PAK1: variants seen among roughly 807,000 people sequenced by gnomAD.
PAK1 encodes serine/threonine-protein kinase PAK 1.
A neutral mutation model predicts 67.4 loss-of-function variants in PAK1; 29 were observed. That is an observed-to-expected ratio of 0.43 (90% CI 0.32 to 0.59). The LOEUF (loss-of-function observed/expected upper bound fraction) is 0.59, where lower values mean the gene tolerates loss of function less well. PAK1 is among the 20% of genes least tolerant of loss of function. The pLI is 0.07. For synonymous variants in PAK1, 223 were observed against 237.4 expected, an observed-to-expected ratio of 0.94 and a Z score of 0.56; for missense variants, 337 against 670.7, an observed-to-expected ratio of 0.50 and a Z score of 5.50.
chr11:77,348,538 C>T (rs971279893), intron 9 of PAK1, among the ~76,000 whole-genome samples: 1 of 152,170 alleles, frequency 6.6e-6, no homozygotes, highest in Non-Finnish European at 1.5e-5. Flanking sequence ...AGTCAAGAGA[C>T]ATGGTTTAAA....
intron 1 of PAK1, among the ~76,000 whole-genome samples, chr11:77,445,736 C>T (rs1317205948): frequency 6.6e-6 from 1 of 152,196 alleles, no homozygotes; most frequent in African/African-American, 2.4e-5. Flanking sequence ...ATATCTATCA[C>T]ATATAGAATC....
In PAK1 at chr11:77,392,454, T is replaced by C. The variant is rs199962205; in HGVS notation, c.67A>G (p.Met23Val). Residue 23 changes from methionine to valine, a missense_variant, in exon 2 of 15, where the codon ATG (methionine) becomes GTG (valine). Transcript: ENST00000356341. ...GCATCTTTGCTGCCGGCTCCAATCA[T>C]AGTGCTGGTATTTCTCATCGGAGGG... ...PAPPMRNTST[M>V]IGAGSKDAGT... is the part of the protein sequence containing the mutation. 16 of 1,614,126 alleles carry C rather than the reference T, an allele frequency of 9.9e-6. No individual in the cohort carries two copies. Among genetic ancestry groups the C allele is most frequent in the East Asian group, 2.2e-5 (1 of 44,886 alleles).
chr11:77,379,776 T>C, intron 3 of PAK1, 118 bp downstream of exon 3: 6 of 732,396 alleles, frequency 8.2e-6, no homozygotes, highest in East Asian at 2.6e-5. Context: ...CGTGAGAAAA[T>C]TGTAATCAGG....
At position 77,439,803 on chromosome 11, in the gene PAK1, C is replaced by T. The variant is rs1956278400; in HGVS notation, c.-22+33749G>A. Among the ~76,000 whole-genome samples the T allele has an allele frequency of 2.0e-5, 3 of 152,140 alleles. No individual in the cohort carries two copies. In the East Asian group the frequency reaches 5.8e-4, roughly 29 times the overall value. On this transcript the variant is annotated intron_variant, in intron 1 of 14. Coordinates refer to ENST00000356341, the MANE Select transcript of PAK1 (RefSeq NM_002576.5). ...TCAAGGAAATTTAAATTGTCAAGAA[C>T]CATCAGGTGCCTGGGTCTGTATCAG...
the PAK1 span, among the ~76,000 whole-genome samples, chr11:77,517,678 T>C: frequency 6.6e-6 from 1 of 152,236 alleles, no homozygotes; most frequent in South Asian, 2.1e-4. Context: ...TTGTGTGCTT[T>C]ATTTCTATTA....
chr11:77,355,402 G>A (rs550295246), intron 7 of PAK1, among the ~76,000 whole-genome samples: 3 of 152,106 alleles, frequency 2.0e-5, no homozygotes, highest in South Asian at 2.1e-4. Context: ...ATTTGTCTTC[G>A]CTATAATACA....
chr11:77,491,000 G>C, the PAK1 span, among the ~76,000 whole-genome samples: 1 of 151,930 alleles, frequency 6.6e-6, no homozygotes, highest in Non-Finnish European at 1.5e-5. Flanking sequence ...GCGGAAGGCC[G>C]AAGGGTCCTC....
At chr11:77,500,018 A>T in the PAK1 span, among the ~76,000 whole-genome samples, 1 of 152,226 alleles carries the variant, frequency 6.6e-6, no homozygotes, top group Non-Finnish European at 1.5e-5. Flanking sequence ...ATCTGAGATA[A>T]GCAAGCCCTG....
chr11:77,505,195 C>CT, the PAK1 span, among the ~76,000 whole-genome samples: 77,028 of 149,580 alleles, frequency 0.51, 20,114 homozygotes, highest in East Asian at 0.7. Flanking sequence ...TTTTCTTTTT[C>CT]TTTTTTTTTT....
intron 14 of PAK1, among the ~76,000 whole-genome samples, chr11:77,331,271 C>A (rs1236170583): frequency 6.6e-6 from 1 of 152,192 alleles, no homozygotes; most frequent in Admixed American, 6.5e-5. Flanking sequence ...TTGACCCAGC[C>A]ATCCCATTAC....
Position 77,379,597 on chromosome 11 carries a change from AG to A in PAK1, c.292-210del, listed in dbSNP as rs1359048135. The A allele has an allele frequency of 1.0e-5, 6 of 592,202 alleles. No homozygotes were observed. In the Admixed American group the frequency reaches 1.9e-4, roughly 19 times the overall value. 36.7% of individuals were successfully genotyped at this position (592,202 alleles called of 1,614,324 possible). On this transcript the variant is annotated intron_variant, in intron 3 of 14. Transcript: ENST00000356341. ...TTCTTAAGATGTCTGCTCCTTCACC[AG>A]GCTATACCTCCAGGATGGTAGGATA...
Position 77,392,445 on chromosome 11 carries a change from C to A in PAK1, c.76G>T (p.Ala26Ser), listed in dbSNP as rs1195228497. The A allele has an allele frequency of 6.2e-7, 1 of 1,614,068 alleles. No homozygotes were observed. ...AGGGTTCCAGCATCTTTGCTGCCGGCTCCAATCATAGTGCTGGTATTTCTC... is the reference window on the plus strand; with the variant it reads ...AGGGTTCCAGCATCTTTGCTGCCGGATCCAATCATAGTGCTGGTATTTCTC... ...PMRNTSTMIG[A>S]GSKDAGTLNH... The change falls in exon 2 of 15, where the codon GCC becomes TCC. Residue 26 changes from alanine to serine, a missense_variant. Ala to Ser is a moderately conservative substitution (Grantham distance 99). This residue lies in a region of PAK1 where 27 missense variants were observed against 37.0 expected (regional missense o/e 0.73). Transcript: ENST00000356341.
chr11:77,379,369 G>T lies in PAK1; in HGVS notation c.311C>A (p.Ala104Asp). The change falls in exon 4 of 15, where the codon GCC (alanine) becomes GAC (aspartate). Residue 104 changes from alanine to aspartate, a missense_variant. Physicochemically the swap from Ala to Asp is moderately radical, Grantham distance 126. Coordinates refer to ENST00000356341, the MANE Select transcript of PAK1 (RefSeq NM_002576.5). ...GATATTTGATGTCTGAAGCAAGCGGGCCCACTGCTCTGGCATTCCCTGTAA... is the reference window on the plus strand; with the variant it reads ...GATATTTGATGTCTGAAGCAAGCGGTCCCACTGCTCTGGCATTCCCTGTAA... ...GEFTGMPEQWARLLQTSNITK... is the reference protein window; with the variant it reads ...GEFTGMPEQWDRLLQTSNITK... 6.2e-7 allele frequency: 1 copy of T among 1,613,504 alleles called. No individual in the cohort carries two copies. Among genetic ancestry groups the T allele is most frequent in the Non-Finnish European group, 8.5e-7 (1 of 1,179,886 alleles).
At chr11:77,445,885 T>C (rs1038003714) in intron 1 of PAK1, among the ~76,000 whole-genome samples, 3 of 152,216 alleles carry the variant, frequency 2.0e-5, no homozygotes, top group Non-Finnish European at 2.9e-5. Flanking sequence ...GTATTAGTTA[T>C]TGATTTACAG....
chr11:77,435,962 TGAA>T (rs1162912579), intron 1 of PAK1, among the ~76,000 whole-genome samples: 1 of 152,172 alleles, frequency 6.6e-6, no homozygotes, highest in East Asian at 1.9e-4. Flanking sequence ...ATGTTTATAA[TGAA>T]GAGTAAGAAG....
At chr11:77,490,111 C>A in the PAK1 span, among the ~76,000 whole-genome samples, 1 of 151,488 alleles carries the variant, frequency 6.6e-6, no homozygotes, top group South Asian at 2.1e-4. Flanking sequence ...GCGACCCCAT[C>A]TAGGAAGTGA....
In PAK1 at chr11:77,465,520, G is replaced by T. The variant is rs552791007; in HGVS notation, c.-22+8032C>A. ...ATGGGCTTTCTCATTTTGCTCACCT[G>T]GTTCTTTATTTTTTTTTAAGTTACT... On this transcript the variant is annotated intron_variant, in intron 1 of 14. Coordinates refer to ENST00000356341, the MANE Select transcript of PAK1 (RefSeq NM_002576.5). Among the ~76,000 whole-genome samples, 323 of 151,680 alleles carry T rather than the reference G, an allele frequency of 2.1e-3. 2 individuals are homozygous for T. The highest frequency in any genetic ancestry group is 4.1e-3 in the Non-Finnish European group (280 of 67,922).
the PAK1 span, among the ~76,000 whole-genome samples, chr11:77,484,813 G>A: frequency 3.3e-5 from 5 of 152,306 alleles, no homozygotes; most frequent in Admixed American, 6.5e-5. Flanking sequence ...CTGTTTTCAC[G>A]CTGCTGATAA....
rs1179015531 is a variant in PAK1 at position 77,456,845 on chromosome 11, C to CG, written c.-22+16706dup. Among the ~76,000 whole-genome samples, 11 of 152,022 alleles carry CG rather than the reference C, an allele frequency of 7.2e-5. No homozygotes were observed. The South Asian group carries it at 1.7e-3, about 23-fold the overall frequency. The stretch of plus-strand genomic sequence containing the variant: ...CAAGCTCCACCTCCCAGGTTCATGC[C>CG]GTTTTTCTGCCTCAGCCTCTCGAGT... On this transcript the variant is annotated intron_variant, in intron 1 of 14. Coordinates refer to ENST00000356341, the MANE Select transcript of PAK1 (RefSeq NM_002576.5).
Sources: allele counts gnomAD v4.1 joint callset (sites outside exome capture counted in the v4.1 genomes callset), GRCh38; gene constraint gnomAD v4.1.1; regional missense constraint gnomAD v4.1.1; transcripts MANE v1.5; gene names NCBI Gene and HGNC (gene_info 2026-07-23, HGNC 2026-07-21).